Variants in OCA2 observed in about 807,000 individuals in gnomAD.
OCA2 encodes OCA2 melanosomal transmembrane protein, also known as P protein.
A neutral mutation model predicts 100.2 loss-of-function variants in OCA2; 77 were observed. The observed-to-expected ratio is 0.77, with a 90% CI of 0.64 to 0.93. The LOEUF (loss-of-function observed/expected upper bound fraction) is 0.93, where lower values mean the gene tolerates loss of function less well. OCA2 is among the 40% of genes least tolerant of loss of function. The pLI is 0.00. For missense variants in OCA2, 1,062 were observed against 1,089.1 expected (o/e 0.98, Z 0.35); for synonymous variants, 432 against 439.2 (o/e 0.98, Z 0.21).
chr15:27,898,005 G>A (rs2037778514), intron 19 of OCA2, among the ~76,000 whole-genome samples: 1 of 152,138 alleles, frequency 6.6e-6, no homozygotes, highest in Admixed American at 6.5e-5. Context: ...TAGCCCCTTG[G>A]TTTTGGCCCA....
At chr15:27,764,383 A>G (rs1044717596) in intron 23 of OCA2, among the ~76,000 whole-genome samples, 2 of 152,192 alleles carry the variant, frequency 1.3e-5, no homozygotes, top group African/African-American at 4.8e-5. Flanking sequence ...ACATGCCACA[A>G]GATCCCTGAA....
chr15:27,927,754 A>AT (rs1330863070), intron 18 of OCA2, among the ~76,000 whole-genome samples: 1 of 120,674 alleles, frequency 8.3e-6, no homozygotes, highest in African/African-American at 3.2e-5. Flanking sequence ...TTCCAATTGC[A>AT]TTTTTCTCAT....
At chr15:27,805,873 A>G (rs913647837) in intron 23 of OCA2, among the ~76,000 whole-genome samples, 1 of 152,130 alleles carries the variant, frequency 6.6e-6, no homozygotes, top group Non-Finnish European at 1.5e-5. Flanking sequence ...TGGGATTCAA[A>G]GGCCACAGGG....
intron 1 of OCA2, among the ~76,000 whole-genome samples, chr15:28,093,751 A>G (rs1272883810): frequency 1.3e-5 from 2 of 152,264 alleles, no homozygotes; most frequent in East Asian, 3.9e-4. Context: ...CGGGAAGACC[A>G]CGCCACAATC....
chr15:27,805,221 T>C (rs901052944), intron 23 of OCA2, among the ~76,000 whole-genome samples: 1 of 152,196 alleles, frequency 6.6e-6, no homozygotes, highest in African/African-American at 2.4e-5. Flanking sequence ...GGTGAAAGGT[T>C]TGATGGGAGA....
intron 21 of OCA2, among the ~76,000 whole-genome samples, chr15:27,860,225 G>A (rs951702522): frequency 1.1e-4 from 17 of 152,144 alleles, no homozygotes; most frequent in Admixed American, 1.1e-3. Flanking sequence ...AAAGGTGAAG[G>A]AGCAAGACCA....
At chr15:27,753,378 G>T (rs754665518), downstream of OCA2, among the ~76,000 whole-genome samples, 3 of 151,914 alleles carry the variant, frequency 2.0e-5, no homozygotes, top group Non-Finnish European at 4.4e-5. Context: ...TAGGAACCTC[G>T]GGGGAGGCTG....
At chr15:28,019,681 G>A (rs1447005065) in intron 6 of OCA2, among the ~76,000 whole-genome samples, 1 of 152,146 alleles carries the variant, frequency 6.6e-6, no homozygotes, top group Admixed American at 6.5e-5. Context: ...AGAGGGCCGG[G>A]AGGAGGCCTC....
intron 9 of OCA2, among the ~76,000 whole-genome samples, chr15:28,012,818 CTG>C (rs1224671725): frequency 3.3e-5 from 5 of 152,220 alleles, no homozygotes; most frequent in South Asian, 2.1e-4. Context: ...TAATTAATGA[CTG>C]TAACTAATTA....
intron 21 of OCA2, among the ~76,000 whole-genome samples, chr15:27,866,417 G>T (rs1162772653): frequency 6.6e-6 from 1 of 152,244 alleles, no homozygotes; most frequent in Admixed American, 6.5e-5. Context: ...CAAGCATGGG[G>T]TGTCCAGCTC....
intron 1 of OCA2, among the ~76,000 whole-genome samples, chr15:28,092,410 C>T (rs2044885503): frequency 6.6e-6 from 1 of 152,154 alleles, no homozygotes; most frequent in Admixed American, 6.5e-5. Context: ...GGCTGGAGTG[C>T]AGTGGTGCAA....
intron 9 of OCA2, among the ~76,000 whole-genome samples, chr15:28,008,720 A>G (rs978484139): frequency 6.6e-6 from 1 of 152,260 alleles, no homozygotes. Flanking sequence ...TTCAAGTGCT[A>G]TTTCTTTTCG....
chr15:27,977,203 A>T (rs1157381188), intron 14 of OCA2, among the ~76,000 whole-genome samples: 1 of 152,128 alleles, frequency 6.6e-6, no homozygotes, highest in Non-Finnish European at 1.5e-5. Flanking sequence ...GATCTTGTCA[A>T]AGAACCAGCT....
At position 27,985,004 on chromosome 15, in the gene OCA2, GCAGA is replaced by G; in HGVS notation, c.1364+56_1364+59del. The stretch of plus-strand genomic sequence containing the variant: ...TGGAACCTGGAGCCAGGCAGTGCAG[GCAGA>G]GCCCCTGCCTGCCAGAACCTGGCCG... On this transcript the variant is annotated intron_variant, in intron 13 of 23. Transcript: ENST00000354638. The G allele has an allele frequency of 1.9e-6, 3 of 1,605,024 alleles. No homozygotes were observed. In the Admixed American group the frequency reaches 5.1e-5, roughly 27 times the overall value.
At chr15:27,793,786 C>A (rs1319085143) in intron 23 of OCA2, among the ~76,000 whole-genome samples, 1 of 152,244 alleles carries the variant, frequency 6.6e-6, no homozygotes, top group African/African-American at 2.4e-5. Flanking sequence ...TGCAGTTCTT[C>A]TTCCTCACCC....
chr15:27,896,929 G>T (rs942799276), intron 19 of OCA2, among the ~76,000 whole-genome samples: 1 of 152,114 alleles, frequency 6.6e-6, no homozygotes, highest in Non-Finnish European at 1.5e-5. Context: ...AGTGGCTCAC[G>T]CCTATAATCC....
intron 2 of OCA2, among the ~76,000 whole-genome samples, chr15:28,071,385 C>A (rs1435955922): frequency 6.6e-6 from 1 of 152,162 alleles, no homozygotes; most frequent in Non-Finnish European, 1.5e-5. Flanking sequence ...ATCAAACTAC[C>A]AACGTTCTTT....
chr15:27,989,582 CG>C lies in OCA2; in HGVS notation c.1182+18del, dbSNP rs1567200165. The C allele has an allele frequency of 1.2e-6, 2 of 1,611,472 alleles. No homozygotes were observed. Among genetic ancestry groups the C allele is most frequent in the Non-Finnish European group, 1.7e-6 (2 of 1,177,672 alleles). On this transcript the variant is annotated intron_variant, in intron 11 of 23. Coordinates refer to ENST00000354638, the MANE Select transcript of OCA2 (RefSeq NM_000275.3). ...ACCGCAGGCGTGGAGCCCAGTCCCA[CG>C]GGGAGAGCTGTAATTACCATGCCAA...
chr15:28,090,930 A>G (rs914591521), intron 1 of OCA2, among the ~76,000 whole-genome samples: 3 of 152,168 alleles, frequency 2.0e-5, no homozygotes, highest in Non-Finnish European at 4.4e-5. Context: ...ATATCAATGG[A>G]ATTAACAATC....
Sources: gnomAD v4.1 joint callset for allele counts (sites outside exome capture counted in the v4.1 genomes callset) on GRCh38, gnomAD v4.1.1 for gene constraint, MANE v1.5 for transcripts, NCBI Gene and HGNC (gene_info 2026-07-23, HGNC 2026-07-21) for gene names.